The following RAD51C variants were observed in gnomAD, a reference collection of about 807,000 sequenced individuals.
RAD51C encodes the protein DNA repair protein RAD51 homolog 3.
A neutral mutation model predicts 45.0 loss-of-function variants in RAD51C; 42 were observed. That is an observed-to-expected ratio of 0.93 (90% CI 0.73 to 1.21). The LOEUF (loss-of-function observed/expected upper bound fraction) is 1.21, where lower values mean the gene tolerates loss of function less well. RAD51C is among the 50% of genes most tolerant of loss of function. The probability of loss-of-function intolerance (pLI) is 0.00; values close to 1 mark genes in which losing one functional copy is unlikely to be tolerated. For synonymous variants in RAD51C, 172 were observed against 159.8 expected (o/e 1.08, Z -0.58); for missense variants, 474 against 452.2 (o/e 1.05, Z -0.44).
At chr17:58,717,978 C>CT (rs1028822527) in intron 5 of RAD51C, among the ~76,000 whole-genome samples, 6 of 151,992 alleles carry the variant, frequency 3.9e-5, no homozygotes, top group Admixed American at 6.6e-5. Flanking sequence ...GCCAAACAAC[C>CT]TTTTTTCTTT....
intron 4 of RAD51C, chr17:58,706,594 C>A: frequency 2.3e-6 from 1 of 429,084 alleles, no homozygotes; most frequent in Non-Finnish European, 4.8e-6. Flanking sequence ...CATAGCATTG[C>A]CCCCTGGGCT....
chr17:58,726,195 C>T (rs1485867939), intron 7 of RAD51C, among the ~76,000 whole-genome samples: 1 of 151,434 alleles, frequency 6.6e-6, no homozygotes, highest in African/African-American at 2.4e-5. Context: ...TTACTAGGCA[C>T]TTTAAATATA....
chr17:58,709,702 A>G (rs2048487483), intron 4 of RAD51C, 157 bp from the exon 5 acceptor site: 2 of 654,798 alleles, frequency 3.1e-6, no homozygotes, highest in Non-Finnish European at 5.1e-6. Flanking sequence ...CCTATATGCT[A>G]TTTACTGTTC....
chr17:58,713,370 T>C (rs1172317049), intron 5 of RAD51C, among the ~76,000 whole-genome samples: 5 of 152,140 alleles, frequency 3.3e-5, no homozygotes, highest in African/African-American at 4.8e-5. Flanking sequence ...AGACAGGGTC[T>C]CGCTCTGTCA....
At position 58,703,222 on chromosome 17, in the gene RAD51C, A is replaced by G. The variant is rs1369125082; in HGVS notation, c.598A>G (p.Thr200Ala). The G allele has an allele frequency of 6.2e-7, 1 of 1,610,708 alleles. No individual in the cohort carries two copies. The highest frequency in any genetic ancestry group is 1.3e-5 in the African/African-American group (1 of 74,940). ...EEHRKALEDF[T>A]LDNILSHIYY... is the part of the protein sequence containing the mutation. ...ACACCGAAAAGCTTTGGAGGATTTC[A>G]CTCTTGATAATATTCTTTCTCATAT... Residue 200 changes from threonine (T) to alanine (A), a missense_variant, in exon 4 of 9, where the codon ACT (threonine) becomes GCT (alanine). By Grantham distance (58) the Thr-to-Ala change is moderately conservative (BLOSUM62 0). Coordinates refer to ENST00000337432, the MANE Select transcript of RAD51C (RefSeq NM_058216.3).
chr17:58,699,483 C>A (rs1321971947), intron 3 of RAD51C, among the ~76,000 whole-genome samples: 1 of 151,516 alleles, frequency 6.6e-6, no homozygotes, highest in Admixed American at 6.6e-5. Context: ...TGTCCCATTT[C>A]GCTGATGACC....
intron 3 of RAD51C, among the ~76,000 whole-genome samples, chr17:58,702,691 TAA>T (rs528849500): frequency 3.3e-4 from 41 of 125,144 alleles, no homozygotes; most frequent in Non-Finnish European, 2.7e-4. Context: ...AGACTTTATC[TAA>T]AAAAAAAAAA....
At chr17:58,696,121 G>A (rs946628308) in intron 2 of RAD51C, among the ~76,000 whole-genome samples, 1 of 151,374 alleles carries the variant, frequency 6.6e-6, no homozygotes, top group Non-Finnish European at 1.5e-5. Context: ...CATTTTGAGA[G>A]GCCTGGAAAT....
intron 5 of RAD51C, among the ~76,000 whole-genome samples, chr17:58,716,738 C>G (rs1268680508): frequency 6.7e-6 from 1 of 149,806 alleles, no homozygotes; most frequent in Admixed American, 6.7e-5. Context: ...CTGGGATTAC[C>G]GGCACAAGCC....
At chr17:58,704,728 A>C (rs1049802389) in intron 4 of RAD51C, among the ~76,000 whole-genome samples, 16 of 152,052 alleles carry the variant, frequency 1.1e-4, no homozygotes, top group African/African-American at 3.6e-4. Flanking sequence ...TGTTTTAAGA[A>C]GTGTTAGAAT....
chr17:58,705,736 A>G (rs1598477979), intron 4 of RAD51C: 1 of 152,202 alleles, frequency 6.6e-6, no homozygotes, highest in Middle Eastern at 3.4e-3. Flanking sequence ...ACATACATTC[A>G]CATTGGGGTT....
chr17:58,730,510 A>C (rs1450204954), intron 7 of RAD51C, among the ~76,000 whole-genome samples: 2 of 152,030 alleles, frequency 1.3e-5, no homozygotes, highest in Admixed American at 6.6e-5. Flanking sequence ...CATATTACTT[A>C]GCAATTATTT....
chr17:58,707,239 C>T (rs1450699135), intron 4 of RAD51C, among the ~76,000 whole-genome samples: 3 of 152,156 alleles, frequency 2.0e-5, no homozygotes, highest in Non-Finnish European at 4.4e-5. Context: ...ACCAGAATAG[C>T]CGGGCATGGT....
At chr17:58,720,289 G>A (rs903612086) in intron 5 of RAD51C, among the ~76,000 whole-genome samples, 6 of 150,582 alleles carry the variant, frequency 4.0e-5, no homozygotes, top group Non-Finnish European at 8.9e-5. Flanking sequence ...GGTGGTGGGC[G>A]CCTGTAGTCC....
At chr17:58,720,873 G>C (rs907434832) in intron 6 of RAD51C, 61 bp downstream of exon 6, 1 of 1,355,102 alleles carries the variant, frequency 7.4e-7, no homozygotes, top group Non-Finnish European at 1.0e-6. Flanking sequence ...TCTTTCATTT[G>C]ATTCTCATTG....
chr17:58,697,714 C>T (rs148371867), intron 3 of RAD51C, among the ~76,000 whole-genome samples: 1 of 151,494 alleles, frequency 6.6e-6, no homozygotes, highest in Non-Finnish European at 1.5e-5. Flanking sequence ...GACTGTAAAA[C>T]GATTTTTTTT....
intron 1 of RAD51C, 67 bp from the exon 2 acceptor site, chr17:58,694,864 A>G (rs2047936771): frequency 7.3e-7 from 1 of 1,361,082 alleles, no homozygotes; most frequent in Non-Finnish European, 1.0e-6. Context: ...AATAAAGACA[A>G]TCGATTATCA....
At chr17:58,731,518 C>G (rs1375796155) in intron 7 of RAD51C, among the ~76,000 whole-genome samples, 2 of 152,166 alleles carry the variant, frequency 1.3e-5, no homozygotes, top group African/African-American at 4.8e-5. Flanking sequence ...CTTGGCCTCC[C>G]AAAGTGCTGG....
rs917188908 is a variant in RAD51C, at chr17:58,727,115, C to T, written c.965+3015C>T. Among the ~76,000 whole-genome samples the T allele has an allele frequency of 5.3e-5, 8 of 150,828 alleles. 1 individual carries two copies. Among genetic ancestry groups the T allele is most frequent in the African/African-American group, 7.3e-5 (3 of 40,952 alleles). On this transcript the variant is annotated intron_variant, in intron 7 of 8. Coordinates refer to ENST00000337432, the MANE Select transcript of RAD51C (RefSeq NM_058216.3). ...GATTACAGGCATGAGCCACCGCACC[C>T]GGCCTTATAAACTTTTTTTTTTTTT... is the stretch of plus-strand genomic sequence containing the variant.
Sources: gnomAD v4.1 joint callset for allele counts (sites outside exome capture counted in the v4.1 genomes callset) on GRCh38, gnomAD v4.1.1 for gene constraint, MANE v1.5 for transcripts, NCBI Gene and HGNC (gene_info 2026-07-23, HGNC 2026-07-21) for gene names.